The following BICC1 variants were observed in gnomAD, a reference collection of about 807,000 sequenced individuals.
The protein encoded by BICC1 is BicC family RNA binding protein 1.
Under a neutral mutation model 111.0 loss-of-function variants are expected in BICC1, and 43 were observed. The observed-to-expected ratio is 0.39, with a 90% CI of 0.30 to 0.50. The LOEUF is 0.50. BICC1 is among the 20% of genes least tolerant of loss of function. The probability of loss-of-function intolerance (pLI) is 0.88; values close to 1 mark genes in which losing one functional copy is unlikely to be tolerated. For missense variants in BICC1, 1,091 were observed against 1,203.2 expected (o/e 0.91, Z 1.38); for synonymous variants, 467 against 434.4 (o/e 1.07, Z -0.93).
intron 3 of BICC1, 108 bp downstream of exon 3, chr10:58,702,251 C>A: frequency 1.3e-6 from 1 of 765,776 alleles, no homozygotes; most frequent in African/African-American, 1.8e-5. Context: ...ACTTTTGTCC[C>A]AAAATGTTTG....
At chr10:58,584,130 A>G (rs1004447312) in intron 1 of BICC1, among the ~76,000 whole-genome samples, 1 of 151,812 alleles carries the variant, frequency 6.6e-6, no homozygotes, top group African/African-American at 2.4e-5. Context: ...CACCTGCGCT[A>G]TGTTGACATT....
chr10:58,651,092 G>A (rs1219435031), intron 2 of BICC1, among the ~76,000 whole-genome samples: 1 of 152,104 alleles, frequency 6.6e-6, no homozygotes. Context: ...GCACTTTCCA[G>A]GCTAAAATGA....
intron 2 of BICC1, among the ~76,000 whole-genome samples, chr10:58,666,759 A>G (rs948688198): frequency 2.6e-5 from 4 of 152,042 alleles, no homozygotes; most frequent in African/African-American, 4.8e-5. Flanking sequence ...AATCTACCTA[A>G]AACCTCCTAC....
Position 58,813,984 on chromosome 10 carries a change from C to A in BICC1, c.2531C>A (p.Ser844Ter). 6.2e-7 allele frequency: 1 copy of A among 1,613,978 alleles called. No homozygotes were observed. The highest frequency in any genetic ancestry group is 8.5e-7 in the Non-Finnish European group (1 of 1,179,914). ...IGSPKRKQNK[S>*]TEHYLSSSNY... Reference sequence around the variant, plus strand: ...AGCCCTAAGCGTAAACAAAACAAATCAAGTGAGCGTTGTGTTTTATGCACA... The same window carrying A: ...AGCCCTAAGCGTAAACAAAACAAATAAAGTGAGCGTTGTGTTTTATGCACA... Residue 844 changes from serine (S) to a stop codon, truncating the protein, a stop_gained and splice_region_variant, in exon 18 of 21, where the codon TCA (serine) becomes TAA (stop). Coordinates refer to ENST00000373886, the MANE Select transcript of BICC1 (RefSeq NM_001080512.3). LOFTEE classifies it high-confidence loss of function.
intron 1 of BICC1, among the ~76,000 whole-genome samples, chr10:58,586,406 A>G (rs1187781555): frequency 6.6e-6 from 1 of 152,050 alleles, no homozygotes; most frequent in Non-Finnish European, 1.5e-5. Context: ...TTTGCTGAGT[A>G]CTTTCTCCGT....
chr10:58,776,634 T>C (rs1387031701), intron 3 of BICC1, among the ~76,000 whole-genome samples: 1 of 152,210 alleles, frequency 6.6e-6, no homozygotes, highest in East Asian at 1.9e-4. Context: ...ATTATTGTTT[T>C]TGCCATGTGG....
intron 3 of BICC1, among the ~76,000 whole-genome samples, chr10:58,770,281 A>C (rs2132719451): frequency 6.6e-6 from 1 of 152,180 alleles, no homozygotes; most frequent in Admixed American, 6.6e-5. Flanking sequence ...TTCTAGTCTG[A>C]CATTTTTTCT....
chr10:58,527,640 C>G (rs377101629), intron 1 of BICC1, among the ~76,000 whole-genome samples: 1 of 151,850 alleles, frequency 6.6e-6, no homozygotes, highest in East Asian at 1.9e-4. Flanking sequence ...TTTCTACATA[C>G]GGCTAGCCAG....
At chr10:58,565,318 C>T (rs1428135777) in intron 1 of BICC1, among the ~76,000 whole-genome samples, 1 of 152,200 alleles carries the variant, frequency 6.6e-6, no homozygotes, top group Non-Finnish European at 1.5e-5. Context: ...AGACCCTCAT[C>T]TCTAAAGACT....
At chr10:58,759,832 G>A (rs1406048288) in intron 3 of BICC1, among the ~76,000 whole-genome samples, 3 of 152,046 alleles carry the variant, frequency 2.0e-5, no homozygotes, top group East Asian at 3.9e-4. Flanking sequence ...GGTGGTGGGC[G>A]CCTGTCGTCC....
chr10:58,615,081 C>A (rs777441521), intron 1 of BICC1, among the ~76,000 whole-genome samples: 6 of 151,750 alleles, frequency 4.0e-5, no homozygotes, highest in Non-Finnish European at 7.4e-5. Flanking sequence ...TAAGTGCCCC[C>A]CCGAGACACT....
chr10:58,525,035 T>C (rs1432214619), intron 1 of BICC1, among the ~76,000 whole-genome samples: 2 of 147,938 alleles, frequency 1.4e-5, no homozygotes, highest in Non-Finnish European at 3.0e-5. Context: ...GCAGTTAGAA[T>C]GGCAGTCATT....
intron 3 of BICC1, among the ~76,000 whole-genome samples, chr10:58,764,701 C>G (rs765095675): frequency 6.8e-6 from 1 of 146,634 alleles, no homozygotes; most frequent in Non-Finnish European, 1.5e-5. Flanking sequence ...AGAAAGGGGA[C>G]AGGTTGTAGA....
chr10:58,689,295 T>C (rs1159824429), intron 2 of BICC1, among the ~76,000 whole-genome samples: 1 of 152,140 alleles, frequency 6.6e-6, no homozygotes, highest in Admixed American at 6.5e-5. Flanking sequence ...GCCAGAAAGC[T>C]TCATTCTCAA....
intron 1 of BICC1, among the ~76,000 whole-genome samples, chr10:58,552,801 A>G (rs1270885411): frequency 6.6e-6 from 1 of 152,144 alleles, no homozygotes; most frequent in Non-Finnish European, 1.5e-5. Context: ...AGATATCTTC[A>G]GATCTCAACA....
intron 3 of BICC1, among the ~76,000 whole-genome samples, chr10:58,751,121 A>G (rs982434324): frequency 2.0e-5 from 3 of 152,202 alleles, no homozygotes; most frequent in Non-Finnish European, 2.9e-5. Context: ...CAGTTCTGCA[A>G]GTCTCCAGTA....
chr10:58,521,093 C>T (rs562439119), intron 1 of BICC1, among the ~76,000 whole-genome samples: 45 of 152,092 alleles, frequency 3.0e-4, no homozygotes, highest in Non-Finnish European at 6.5e-4. Context: ...TTTCCGGTGT[C>T]TGTATAATTC....
intron 1 of BICC1, among the ~76,000 whole-genome samples, chr10:58,568,295 G>T (rs1266786293): frequency 6.6e-6 from 1 of 152,092 alleles, no homozygotes; most frequent in African/African-American, 2.4e-5. Flanking sequence ...CATCCTGACT[G>T]ACAGATGCCA....
intron 1 of BICC1, among the ~76,000 whole-genome samples, chr10:58,598,336 G>C (rs913311724): frequency 2.0e-5 from 3 of 152,048 alleles, no homozygotes; most frequent in Non-Finnish European, 2.9e-5. Context: ...CAGAACAGAG[G>C]CCTCAGAAAT....
Sources: allele counts gnomAD v4.1 joint callset (sites outside exome capture counted in the v4.1 genomes callset), GRCh38; gene constraint gnomAD v4.1.1; transcripts MANE v1.5; gene names NCBI Gene and HGNC (gene_info 2026-07-23, HGNC 2026-07-21).